Variants in TMTC1 observed in about 807,000 individuals in gnomAD.
The protein encoded by TMTC1 is transmembrane O-mannosyltransferase targeting cadherins 1.
A neutral mutation model predicts 104.8 loss-of-function variants in TMTC1; 73 were observed. The observed-to-expected ratio is 0.70, with a 90% CI of 0.58 to 0.85. The LOEUF (loss-of-function observed/expected upper bound fraction) is 0.85, where lower values mean the gene tolerates loss of function less well. TMTC1 is among the 40% of genes least tolerant of loss of function. The pLI, the probability that TMTC1 is intolerant of heterozygous loss-of-function variation, is 0.00. For missense variants in TMTC1, 1,035 were observed against 1,096.1 expected (o/e 0.94, Z 0.79); for synonymous variants, 434 against 428.7 (o/e 1.01, Z -0.15).
At chr12:29,653,134 C>T (rs1469795806) in intron 5 of TMTC1, among the ~76,000 whole-genome samples, 1 of 151,624 alleles carries the variant, frequency 6.6e-6, no homozygotes, top group African/African-American at 2.4e-5. Context: ...TGGCCAGATC[C>T]CTTACACTTC....
chr12:29,569,532 G>A (rs956589027), intron 9 of TMTC1, among the ~76,000 whole-genome samples: 5 of 152,178 alleles, frequency 3.3e-5, no homozygotes, highest in African/African-American at 1.2e-4. Context: ...GGAGGGAGAG[G>A]AATCCCTGTC....
intron 7 of TMTC1, among the ~76,000 whole-genome samples, chr12:29,601,781 G>A (rs963596726): frequency 1.0e-4 from 15 of 150,642 alleles, no homozygotes; most frequent in African/African-American, 3.7e-4. Flanking sequence ...AAAATACTTA[G>A]TATTTATTGA....
At position 29,622,132 on chromosome 12, in the gene TMTC1, G is replaced by GT. The variant is rs1937707715; in HGVS notation, c.1128+11014_1128+11015insA. Among the ~76,000 whole-genome samples, 5 of 152,176 alleles carry GT rather than the reference G, an allele frequency of 3.3e-5. No homozygotes were observed. The South Asian group carries it at 1.0e-3, about 32-fold the overall frequency. ...CACTGCCCAATGTTCATTCTCAAAA[G>GT]ACATCTCATGACTGAGGCTATTATT... On this transcript the variant is annotated intron_variant, in intron 6 of 17. Transcript: ENST00000539277.
intron 5 of TMTC1, among the ~76,000 whole-genome samples, chr12:29,644,816 G>T (rs1939194217): frequency 6.6e-6 from 1 of 152,054 alleles, no homozygotes; most frequent in Non-Finnish European, 1.5e-5. Context: ...TTACATTTCT[G>T]ACCGCAGCAC....
At chr12:29,576,646 G>T (rs969453285) in intron 8 of TMTC1, among the ~76,000 whole-genome samples, 1 of 152,148 alleles carries the variant, frequency 6.6e-6, no homozygotes, top group Non-Finnish European at 1.5e-5. Context: ...GAAATGAAGA[G>T]ATATAGGTCC....
At chr12:29,660,384 A>C (rs1939961250) in intron 5 of TMTC1, among the ~76,000 whole-genome samples, 1 of 152,188 alleles carries the variant, frequency 6.6e-6, no homozygotes, top group African/African-American at 2.4e-5. Context: ...GATGATCAGA[A>C]GAACCGAAAA....
At chr12:29,573,538 ATG>A (rs2136304047) in intron 8 of TMTC1, among the ~76,000 whole-genome samples, 1 of 152,322 alleles carries the variant, frequency 6.6e-6, no homozygotes, top group South Asian at 2.1e-4. Flanking sequence ...ACAAGATGAC[ATG>A]TAACAATAGG....
chr12:29,760,769 G>A (rs576751617), intron 2 of TMTC1, among the ~76,000 whole-genome samples: 16 of 150,698 alleles, frequency 1.1e-4, no homozygotes, highest in South Asian at 2.1e-4. Context: ...ATTTTGTAGC[G>A]TTACATTTTA....
At chr12:29,719,104 T>C (rs1942164312) in intron 5 of TMTC1, among the ~76,000 whole-genome samples, 1 of 152,164 alleles carries the variant, frequency 6.6e-6, no homozygotes, top group Non-Finnish European at 1.5e-5. Context: ...CTCTCTCTCT[T>C]TTTTGTGGTA....
chr12:29,525,209 G>C, intron 11 of TMTC1, among the ~76,000 whole-genome samples: 1 of 83,644 alleles, frequency 1.2e-5, no homozygotes, highest in African/African-American at 4.1e-5. Flanking sequence ...TTGAGATGGA[G>C]TTTTGCTCTG....
chr12:29,643,597 T>TTATATATTATAATATATAATATATGTC (rs1938999857), intron 5 of TMTC1, among the ~76,000 whole-genome samples: 1 of 30,886 alleles, frequency 3.2e-5, no homozygotes, highest in East Asian at 8.1e-4. Context: ...TAAATATATA[T>TTATATATTATAATATATAATATATGTC]TATATATTAT....
chr12:29,710,348 C>A (rs915232865), intron 5 of TMTC1, among the ~76,000 whole-genome samples: 2 of 151,972 alleles, frequency 1.3e-5, no homozygotes, highest in African/African-American at 4.8e-5. Context: ...GCAGGCTGCT[C>A]TTTCCTTGCA....
intron 1 of TMTC1, among the ~76,000 whole-genome samples, chr12:29,768,812 T>C (rs1353638984): frequency 6.6e-6 from 1 of 152,164 alleles, no homozygotes; most frequent in African/African-American, 2.4e-5. Flanking sequence ...AGAAAACCAA[T>C]TGCTCAACAT....
intron 5 of TMTC1, among the ~76,000 whole-genome samples, chr12:29,733,141 C>G (rs1324361624): frequency 1.3e-5 from 2 of 152,194 alleles, no homozygotes; most frequent in South Asian, 2.1e-4. Flanking sequence ...CATGAGATGT[C>G]AAGCCCTGGG....
intron 5 of TMTC1, among the ~76,000 whole-genome samples, chr12:29,737,910 T>A (rs561094767): frequency 3.9e-5 from 6 of 152,138 alleles, no homozygotes; most frequent in African/African-American, 1.4e-4. Context: ...TCCTTTCCAA[T>A]GGGAAAGAGA....
intron 9 of TMTC1, among the ~76,000 whole-genome samples, chr12:29,566,449 G>C (rs1417102883): frequency 1.3e-5 from 2 of 152,182 alleles, no homozygotes; most frequent in African/African-American, 4.8e-5. Flanking sequence ...CCAGATTGCT[G>C]TGAGTGGGGC....
intron 11 of TMTC1, chr12:29,529,839 C>A (rs1944451004): frequency 6.6e-6 from 1 of 152,128 alleles, no homozygotes; most frequent in Non-Finnish European, 1.5e-5. Flanking sequence ...AAGGTGTTTC[C>A]TAATCCTAGA....
intron 5 of TMTC1, among the ~76,000 whole-genome samples, chr12:29,740,953 A>G (rs1565806571): frequency 1.3e-5 from 2 of 152,208 alleles, no homozygotes. Context: ...GTATTTTTCT[A>G]AGAAATACTG....
At chr12:29,720,676 T>G (rs1942212915) in intron 5 of TMTC1, among the ~76,000 whole-genome samples, 1 of 146,758 alleles carries the variant, frequency 6.8e-6, no homozygotes. Context: ...TGGGGGAGAG[T>G]AAGAAAATTT....
Sources: allele counts gnomAD v4.1 joint callset (sites outside exome capture counted in the v4.1 genomes callset), GRCh38; gene constraint gnomAD v4.1.1; transcripts MANE v1.5; gene names NCBI Gene and HGNC (gene_info 2026-07-23, HGNC 2026-07-21).